Variants in AXDND1 observed in about 807,000 individuals in gnomAD.
The protein encoded by AXDND1 is axonemal dynein light chain domain containing 1, also known as axonemal dynein light chain domain-containing protein 1.
A neutral mutation model predicts 137.5 loss-of-function variants in AXDND1; 110 were observed. The ratio of observed to expected loss-of-function variants is 0.80; its 90% CI spans 0.69 to 0.94. The LOEUF (loss-of-function observed/expected upper bound fraction) is 0.94, where lower values mean the gene tolerates loss of function less well. Ranked by LOEUF, AXDND1 falls within the 40% of genes least tolerant of loss-of-function variation. AXDND1 has a pLI of 0.00. For synonymous variants in AXDND1, 414 were observed against 399.7 expected, an observed-to-expected ratio of 1.04 and a Z score of -0.43; for missense variants, 1,191 against 1,169.8, an observed-to-expected ratio of 1.02 and a Z score of -0.26.
chr1:179,461,763 T>G (rs1427689612), intron 16 of AXDND1, among the ~76,000 whole-genome samples: 1 of 152,216 alleles, frequency 6.6e-6, no homozygotes, highest in Non-Finnish European at 1.5e-5. Flanking sequence ...AAGAGGTCCT[T>G]CACACCCCTT....
At chr1:179,416,634 A>G (rs1247537349) in intron 12 of AXDND1, among the ~76,000 whole-genome samples, 2 of 152,136 alleles carry the variant, frequency 1.3e-5, no homozygotes, top group African/African-American at 2.4e-5. Context: ...CCTGATTTCT[A>G]TTTACTTTTC....
intron 18 of AXDND1, among the ~76,000 whole-genome samples, chr1:179,488,225 G>C (rs1398281234): frequency 6.8e-6 from 1 of 147,780 alleles, no homozygotes; most frequent in Non-Finnish European, 1.5e-5. Context: ...CATACTTCCA[G>C]ATTTTATATA....
chr1:179,444,158 A>G (rs1659400393), intron 15 of AXDND1, among the ~76,000 whole-genome samples: 1 of 151,834 alleles, frequency 6.6e-6, no homozygotes. Context: ...GCTCTCATTT[A>G]TTAAGCACTT....
intron 25 of AXDND1, among the ~76,000 whole-genome samples, chr1:179,540,653 G>A (rs938117595): frequency 1.3e-5 from 2 of 152,214 alleles, no homozygotes; most frequent in African/African-American, 4.8e-5. Flanking sequence ...GTATCTCCCA[G>A]TCAGGCTACA....
intron 17 of AXDND1, among the ~76,000 whole-genome samples, chr1:179,477,787 A>C (rs979458189): frequency 3.9e-5 from 6 of 152,196 alleles, no homozygotes; most frequent in Non-Finnish European, 7.3e-5. Flanking sequence ...AAAAGTCCAC[A>C]GTCCAAAGTC....
chr1:179,514,449 T>C (rs1370535124), intron 21 of AXDND1, among the ~76,000 whole-genome samples: 2 of 152,138 alleles, frequency 1.3e-5, no homozygotes, highest in Non-Finnish European at 2.9e-5. Flanking sequence ...AATTTCAATT[T>C]TCTTAAATTT....
chr1:179,442,035 T>C (rs1659060290), intron 15 of AXDND1, among the ~76,000 whole-genome samples: 1 of 152,222 alleles, frequency 6.6e-6, no homozygotes, highest in African/African-American at 2.4e-5. Flanking sequence ...ACTTAAACTC[T>C]AGTGGAGTGT....
At chr1:179,528,587 ACTC>A (rs1181163310) in intron 23 of AXDND1, among the ~76,000 whole-genome samples, 156 bp downstream of exon 23, 2 of 147,146 alleles carry the variant, frequency 1.4e-5, no homozygotes, top group African/African-American at 5.0e-5. Flanking sequence ...TTCCTGGAAA[ACTC>A]CTTTTTTCAC....
At position 179,379,531 on chromosome 1, in the gene AXDND1, TG is replaced by T. The variant is rs373774906; in HGVS notation, c.581+50del. ...ATACCTGCCCCAGCTCGGTGGCCCA[TG>T]CCTGTAATCCCAGCACTTTGCGAGG... On this transcript the variant is annotated intron_variant, in intron 6 of 25. Coordinates refer to ENST00000367618, the MANE Select transcript of AXDND1 (RefSeq NM_144696.6). The T allele has an allele frequency of 1.5e-5, 24 of 1,600,578 alleles. No individual in the cohort carries two copies. In the African/African-American group the frequency reaches 2.5e-4, roughly 17 times the overall value.
chr1:179,501,161 A>G (rs967946197), intron 20 of AXDND1, among the ~76,000 whole-genome samples: 1 of 152,056 alleles, frequency 6.6e-6, no homozygotes, highest in Non-Finnish European at 1.5e-5. Context: ...TTTTTTTTTC[A>G]ACTTGACAAA....
chr1:179,369,440 G>A (rs1380704489), intron 3 of AXDND1, among the ~76,000 whole-genome samples: 1 of 152,094 alleles, frequency 6.6e-6, no homozygotes, highest in Non-Finnish European at 1.5e-5. Context: ...CAGATCACGA[G>A]GTCAGGAGAT....
intron 9 of AXDND1, 129 bp downstream of exon 9, chr1:179,385,488 A>ATT: frequency 3.8e-6 from 4 of 1,063,148 alleles, no homozygotes; most frequent in Non-Finnish European, 5.6e-6. Flanking sequence ...ATCTAACTGC[A>ATT]TTTTTTTTTC....
chr1:179,435,037 A>G (rs1657945315), intron 15 of AXDND1, among the ~76,000 whole-genome samples: 1 of 152,186 alleles, frequency 6.6e-6, no homozygotes, highest in African/African-American at 2.4e-5. Flanking sequence ...AAGCATTTCT[A>G]TGCACCAACA....
intron 16 of AXDND1, chr1:179,447,764 T>C (rs1571873606): frequency 2.2e-6 from 3 of 1,344,884 alleles, no homozygotes; most frequent in East Asian, 4.6e-5. Context: ...GGAGAAGCTC[T>C]TGAGTTTACA....
At chr1:179,411,368 T>C in intron 12 of AXDND1, 102 bp downstream of exon 12, 2 of 1,442,090 alleles carry the variant, frequency 1.4e-6, no homozygotes, top group Non-Finnish European at 1.9e-6. Flanking sequence ...TTTGAAAGAG[T>C]CTTACTCACT....
chr1:179,366,759 T>A (rs1191271265), intron 2 of AXDND1, among the ~76,000 whole-genome samples, 153 bp downstream of exon 2: 2 of 145,672 alleles, frequency 1.4e-5, no homozygotes, highest in African/African-American at 5.4e-5. Context: ...AAGTCATTCC[T>A]TTTACAGTAT....
intron 20 of AXDND1, among the ~76,000 whole-genome samples, chr1:179,498,967 A>G (rs781339800): frequency 6.6e-6 from 1 of 152,118 alleles, no homozygotes; most frequent in Non-Finnish European, 1.5e-5. Flanking sequence ...GAAAACTGTT[A>G]TTCACTGTTG....
At chr1:179,403,476 C>T (rs914617276) in intron 11 of AXDND1, among the ~76,000 whole-genome samples, 1 of 152,174 alleles carries the variant, frequency 6.6e-6, no homozygotes, top group African/African-American at 2.4e-5. Flanking sequence ...CTGTACTAAA[C>T]GTGATGGAAA....
Position 179,396,187 on chromosome 1 carries a change from A to G in AXDND1, c.1109+985A>G, listed in dbSNP as rs553625318. Among the ~76,000 whole-genome samples the G allele has an allele frequency of 7.2e-5, 11 of 151,982 alleles. No homozygotes were observed. The South Asian group carries it at 2.3e-3, about 32-fold the overall frequency. On this transcript the variant is annotated intron_variant, in intron 11 of 25. Transcript: ENST00000367618. ...CTGTCCCATAAAAAGAAAAAAAAAAAAAAAGAAAAATATTTGGAGATTTAA... is the reference window on the plus strand; with the variant it reads ...CTGTCCCATAAAAAGAAAAAAAAAAGAAAAGAAAAATATTTGGAGATTTAA...
Sources: allele counts gnomAD v4.1 joint callset (sites outside exome capture counted in the v4.1 genomes callset), GRCh38; gene constraint gnomAD v4.1.1; transcripts MANE v1.5; gene names NCBI Gene and HGNC (gene_info 2026-07-23, HGNC 2026-07-21).